Variants in KLK11 observed in about 807,000 individuals in gnomAD.
KLK11 encodes kallikrein related peptidase 11.
KLK11 carries 10 observed loss-of-function variants against 23.4 expected under a neutral mutation model. That is an observed-to-expected ratio of 0.43 (90% CI 0.26 to 0.73). The LOEUF (loss-of-function observed/expected upper bound fraction) is 0.73, where lower values mean the gene tolerates loss of function less well. KLK11 is among the 30% of genes least tolerant of loss of function. The pLI is 0.22. For missense variants in KLK11, 285 were observed against 327.8 expected, an observed-to-expected ratio of 0.87 and a Z score of 1.01; for synonymous variants, 131 against 131.7, an observed-to-expected ratio of 0.99 and a Z score of 0.03.
chr19:51,024,513 C>T lies in KLK11; in HGVS notation c.197+125G>A. ...TTCAATACCAACTCGAGCCCATCAACCTTGCTGACACTACCCATCCCCATC... is the reference window on the plus strand; with the variant it reads ...TTCAATACCAACTCGAGCCCATCAATCTTGCTGACACTACCCATCCCCATC... On this transcript the variant is annotated intron_variant, in intron 3 of 5. Transcript: ENST00000453757. This position sits in a 1 kb window ranked among gnomAD's most constrained non-coding sequence, Gnocchi z 6.2. 2 of 1,258,196 alleles carry T rather than the reference C, an allele frequency of 1.6e-6. No individual in the cohort carries two copies. The highest frequency in any genetic ancestry group is 2.1e-6 in the Non-Finnish European group (2 of 932,298). The allele number at this position is 1,258,196 out of a possible 1,614,324, so 77.9% of individuals were successfully genotyped here.
intron 5 of KLK11, 73 bp from the exon 6 acceptor site, chr19:51,022,770 C>A: frequency 1.3e-6 from 2 of 1,558,694 alleles, no homozygotes; most frequent in Non-Finnish European, 8.8e-7. Context: ...GAGGTGGGGA[C>A]GGTGCTTAGG....
intron 1 of KLK11, among the ~76,000 whole-genome samples, chr19:51,026,187 C>T (rs1420523849): frequency 1.3e-5 from 2 of 152,016 alleles, no homozygotes. Context: ...GTCTGGGACC[C>T]CCATCACCCG....
At position 51,022,397 on chromosome 19, in the gene KLK11, T is replaced by C. The variant is rs376997758; in HGVS notation, c.*148A>G. Reference sequence around the variant, plus strand: ...TCACTGATTTCGAACCCCAGGTTGATTATTAAGTGACAGCATCTCCTGTAG... The same window carrying C: ...TCACTGATTTCGAACCCCAGGTTGACTATTAAGTGACAGCATCTCCTGTAG... On this transcript the variant is annotated 3_prime_UTR_variant, in exon 6 of 6. Transcript: ENST00000453757. 309 of 871,088 alleles carry C rather than the reference T, an allele frequency of 3.5e-4. 5 individuals are homozygous for C. In the South Asian group the frequency reaches 4.4e-3, roughly 12 times the overall value. The allele number at this position is 871,088 out of a possible 1,614,324, so 54.0% of individuals were successfully genotyped here.
At position 51,026,581 on chromosome 19, in the gene KLK11, C is replaced by T. The variant is rs1005794730; in HGVS notation, c.-79G>A. 27 of 986,350 alleles carry T rather than the reference C, an allele frequency of 2.7e-5. No individual in the cohort carries two copies. Among genetic ancestry groups the T allele is most frequent in the Middle Eastern group, 5.2e-4 (1 of 1,938 alleles). 61.1% of individuals were successfully genotyped at this position (986,350 alleles called of 1,614,324 possible). A position where few individuals can be genotyped will look rare whatever the true frequency, so the allele number is the denominator to read the frequency against. ...TCTGGGGGCCCAGTGGCGGCGGAGA[C>T]GGCAGTGGCGGCAGCTACAGCAGGT... On this transcript the variant is annotated 5_prime_UTR_variant, in exon 1 of 6. Coordinates refer to ENST00000453757, the MANE Select transcript of KLK11 (RefSeq NM_001136032.3).
rs1022757311 is a variant in KLK11, at chr19:51,025,393, C to A, written c.40+199G>T. On this transcript the variant is annotated intron_variant, in intron 2 of 5. Transcript: ENST00000453757. This position sits in a 1 kb window ranked among gnomAD's most constrained non-coding sequence, Gnocchi z 6.2. ...CCCTCCACGGGACCCTTTACGACCCCCTTGACCTCTCCTCCTTTGGCATTT... is the reference window on the plus strand; with the variant it reads ...CCCTCCACGGGACCCTTTACGACCCACTTGACCTCTCCTCCTTTGGCATTT... Among the ~76,000 whole-genome samples, 1 of 152,200 alleles carries A rather than the reference C, an allele frequency of 6.6e-6. No individual in the cohort carries two copies. Among genetic ancestry groups the A allele is most frequent in the African/African-American group, 2.4e-5 (1 of 41,446 alleles).
In KLK11 at chr19:51,023,252, G is replaced by C. The variant is rs200411681; in HGVS notation, c.464-24C>G. 5.8e-5 allele frequency: 93 copies of C among 1,607,904 alleles called. No individual in the cohort carries two copies. In the African/African-American group the frequency reaches 8.9e-4, roughly 15 times the overall value. ...TACTGTGGAAACAGCGTGAGGGGCT[G>C]TGGGAATGAGCCCCCTGCCACCTCC... On this transcript the variant is annotated intron_variant, in intron 4 of 5. Transcript: ENST00000453757.
Position 51,024,070 on chromosome 19 carries a change from G to A in KLK11, c.438C>T (p.Gly146=), listed in dbSNP as rs764799009. The A allele has an allele frequency of 3.2e-6, 5 of 1,553,384 alleles. No individual in the cohort carries two copies. The Admixed American group carries it at 5.4e-5, about 17-fold the overall frequency. ...VTAGTSCLIS[G]WGSTSSPQLR... ...ACTGGGGGCTGGACGTGCTGCCCCA[G>A]CCGGAAATGAGGCAGCTGGTGCCAG... The change falls in exon 4 of 6, where the codon GGC becomes GGT. Residue 146 remains glycine (G), a synonymous_variant. Coordinates refer to ENST00000453757, the MANE Select transcript of KLK11 (RefSeq NM_001136032.3). This position sits in a 1 kb window ranked among gnomAD's most constrained non-coding sequence, Gnocchi z 6.2.
upstream of KLK11, chr19:51,027,567 A>C (rs368209883): frequency 5.6e-6 from 9 of 1,609,712 alleles, no homozygotes; most frequent in Non-Finnish European, 7.6e-6. Flanking sequence ...GTTTGTTTTC[A>C]GTTAGGTCCC....
chr19:51,027,381 C>T, upstream of KLK11: 1 of 1,473,958 alleles, frequency 6.8e-7, no homozygotes, highest in Non-Finnish European at 9.4e-7. Context: ...CCTCTGGGGC[C>T]TCGCTCCTCT....
chr19:51,026,647 G>A (rs917844605), upstream of KLK11: 46 of 974,360 alleles, frequency 4.7e-5, no homozygotes, highest in South Asian at 1.9e-4. Context: ...CCAGGCAGGC[G>A]GGCTGGCAGG....
At position 51,024,419 on chromosome 19, in the gene KLK11, C is replaced by T. The variant is rs758920129; in HGVS notation, c.198-109G>A. ...AGAAACATCGCTCTGCTTCCAACCT[C>T]TTCCACGTCTCCCACCGAAGCCCCC... On this transcript the variant is annotated intron_variant, in intron 3 of 5. Transcript: ENST00000453757. The surrounding 1 kb of genome is among the most constrained non-coding windows in gnomAD (Gnocchi z 6.2). The T allele has an allele frequency of 5.7e-5, 85 of 1,503,916 alleles. No homozygotes were observed. The highest frequency in any genetic ancestry group is 3.5e-4 in the Middle Eastern group (2 of 5,682). 93.2% of individuals were successfully genotyped at this position (1,503,916 alleles called of 1,614,324 possible).
chr19:51,027,227 G>T (rs973276597), upstream of KLK11: 15 of 541,258 alleles, frequency 2.8e-5, no homozygotes, highest in Non-Finnish European at 4.0e-5. Flanking sequence ...GCAAGGAGAG[G>T]GGGGGTGTGC....
Position 51,025,462 on chromosome 19 carries a change from C to T in KLK11, c.40+130G>A. On this transcript the variant is annotated intron_variant, in intron 2 of 5. Coordinates refer to ENST00000453757, the MANE Select transcript of KLK11 (RefSeq NM_001136032.3). The surrounding 1 kb of genome is among the most constrained non-coding windows in gnomAD (Gnocchi z 6.2). ...GGCATCCAGGCCCTCATGACCACTG[C>T]TCCAGTTCAGGTGCCTTATGGGTTG... 1 of 543,418 alleles carries T rather than the reference C, an allele frequency of 1.8e-6. No individual in the cohort carries two copies. The highest frequency in any genetic ancestry group is 3.2e-6 in the Non-Finnish European group (1 of 312,798). 33.7% of individuals were successfully genotyped at this position (543,418 alleles called of 1,614,324 possible). A position where few individuals can be genotyped will look rare whatever the true frequency, so the allele number is the denominator to read the frequency against.
upstream of KLK11, chr19:51,027,780 C>T (rs146364634): frequency 1.4e-3 from 601 of 440,604 alleles, 2 homozygotes; most frequent in African/African-American, 0.011. Context: ...GGGTGACAGA[C>T]CTGCTTGCAG....
intron 5 of KLK11, among the ~76,000 whole-genome samples, 186 bp from the exon 6 acceptor site, chr19:51,022,883 G>A (rs1478754854): frequency 6.6e-6 from 1 of 152,162 alleles, no homozygotes; most frequent in Non-Finnish European, 1.5e-5. Flanking sequence ...GCTCAAAAAC[G>A]AGTTTGGGGA....
chr19:51,024,613 G>GCCCCCCCC lies in KLK11; in HGVS notation c.197+24_197+25insGGGGGGGG. The GCCCCCCCC allele has an allele frequency of 2.1e-6, 3 of 1,446,166 alleles. No homozygotes were observed. The highest frequency in any genetic ancestry group is 2.8e-6 in the Non-Finnish European group (3 of 1,081,064). 89.6% of individuals were successfully genotyped at this position (1,446,166 alleles called of 1,614,324 possible). ...TCCCCATTCCCAGCCCCCCACCCCG[G>GCCCCCCCC]CACCGCCCCAGCCCCCGCACCCACG... is the stretch of plus-strand genomic sequence containing the variant. On this transcript the variant is annotated intron_variant, in intron 3 of 5. Coordinates refer to ENST00000453757, the MANE Select transcript of KLK11 (RefSeq NM_001136032.3). The surrounding 1 kb of genome is among the most constrained non-coding windows in gnomAD (Gnocchi z 6.2).
chr19:51,024,700 T>A lies in KLK11; in HGVS notation c.135A>T (p.Leu45=). The A allele has an allele frequency of 6.2e-7, 1 of 1,600,196 alleles. No individual in the cohort carries two copies. The highest frequency in any genetic ancestry group is 1.1e-5 in the South Asian group (1 of 88,956). ...GGGCGATGAGCGTCGCCCCACAGAG[T>A]AGCCGCGTCTTCTCGAACAGGGCTG... ...WQAALFEKTR[L]LCGATLIAPR... The change falls in exon 3 of 6, where the codon CTA becomes CTT. Residue 45 remains leucine, a synonymous_variant. Transcript: ENST00000453757. This position sits in a 1 kb window ranked among gnomAD's most constrained non-coding sequence, Gnocchi z 6.2.
At chr19:51,026,195 C>T (rs563359037) in intron 1 of KLK11, among the ~76,000 whole-genome samples, 1 of 152,154 alleles carries the variant, frequency 6.6e-6, no homozygotes, top group East Asian at 2.0e-4. Flanking sequence ...CCCCCATCAC[C>T]CGGCTTGCTG....
chr19:51,026,115 C>A (rs909472802), intron 1 of KLK11, among the ~76,000 whole-genome samples: 1 of 152,108 alleles, frequency 6.6e-6, no homozygotes, highest in Non-Finnish European at 1.5e-5. Flanking sequence ...GTCTTCGCAG[C>A]AGAGCGATAT....
Sources: gnomAD v4.1 joint callset for allele counts (sites outside exome capture counted in the v4.1 genomes callset) on GRCh38, gnomAD v4.1.1 for gene constraint, Gnocchi (gnomAD v3.1) non-coding constraint, MANE v1.5 for transcripts, NCBI Gene and HGNC (gene_info 2026-07-23, HGNC 2026-07-21) for gene names.